GLS: variants seen among roughly 807,000 people sequenced by gnomAD.
The protein encoded by GLS is glutaminase.
GLS carries 36 observed loss-of-function variants against 86.7 expected under a neutral mutation model. The observed-to-expected ratio is 0.42, with a 90% CI of 0.32 to 0.55. The LOEUF is 0.55. Ranked by LOEUF, GLS falls within the 20% of genes least tolerant of loss-of-function variation. The pLI is 0.17. For synonymous variants in GLS, 317 were observed against 305.9 expected (o/e 1.04, Z -0.38); for missense variants, 528 against 833.4 (o/e 0.63, Z 4.51).
Position 190,897,887 on chromosome 2 carries a change from A to G in GLS, c.605+2162A>G, listed in dbSNP as rs1475928759. Among the ~76,000 whole-genome samples, 1 of 152,204 alleles carries G rather than the reference A, an allele frequency of 6.6e-6. No homozygotes were observed. Among genetic ancestry groups the G allele is most frequent in the East Asian group, 1.9e-4 (1 of 5,200 alleles). On this transcript the variant is annotated intron_variant, in intron 3 of 17. Coordinates refer to ENST00000320717, the MANE Select transcript of GLS (RefSeq NM_014905.5). This position sits in a 1 kb window ranked among gnomAD's most constrained non-coding sequence, Gnocchi z 4.3. ...TTTTAGACTTTTTCGGTAATCTGAG[A>G]AAACTATTATGTGTGACTTTTTTTA...
At chr2:190,960,819 A>T (rs1406785017) in intron 17 of GLS, among the ~76,000 whole-genome samples, 2 of 152,196 alleles carry the variant, frequency 1.3e-5, no homozygotes, top group African/African-American at 4.8e-5. Flanking sequence ...CTTTATTCCT[A>T]TAGTTGTAAA....
chr2:190,951,217 G>A lies in GLS; in HGVS notation c.1651-2348G>A, dbSNP rs1690709715. Among the ~76,000 whole-genome samples, 1 of 152,190 alleles carries A rather than the reference G, an allele frequency of 6.6e-6. No homozygotes were observed. Among genetic ancestry groups the A allele is most frequent in the Non-Finnish European group, 1.5e-5 (1 of 68,040 alleles). On this transcript the variant is annotated intron_variant, in intron 14 of 17. Coordinates refer to ENST00000320717, the MANE Select transcript of GLS (RefSeq NM_014905.5). The surrounding 1 kb of genome is among the most constrained non-coding windows in gnomAD (Gnocchi z 4.2). ...AAGATTAGGGTGATGGAGCAGCATG[G>A]AAGGCAAGTCGTGAGAGGGTGGAGG...
intron 1 of GLS, among the ~76,000 whole-genome samples, chr2:190,894,329 A>G (rs1688657782): frequency 6.8e-6 from 1 of 148,068 alleles, no homozygotes; most frequent in Non-Finnish European, 1.5e-5. Flanking sequence ...TAAGTCTTAT[A>G]CTATCTTTTG....
chr2:190,920,908 T>A lies in GLS; in HGVS notation c.1039-116T>A. The A allele has an allele frequency of 1.7e-6, 1 of 590,672 alleles. No homozygotes were observed. Among genetic ancestry groups the A allele is most frequent in the Middle Eastern group, 4.5e-4 (1 of 2,214 alleles). The allele number at this position is 590,672 out of a possible 1,614,324, so 36.6% of individuals were successfully genotyped here. ...AATTACTTTAGAACTATTTCCTAGA[T>A]TTAAAAATACTAATGCAGTATATTA... On this transcript the variant is annotated intron_variant, in intron 7 of 17. Coordinates refer to ENST00000320717, the MANE Select transcript of GLS (RefSeq NM_014905.5). The surrounding 1 kb of genome is among the most constrained non-coding windows in gnomAD (Gnocchi z 4.2).
chr2:190,932,803 A>C, intron 14 of GLS: 1 of 1,606,434 alleles, frequency 6.2e-7, no homozygotes, highest in Admixed American at 1.7e-5. Flanking sequence ...ACCTGAGTCA[A>C]ATGAGGACAT....
chr2:190,907,185 A>G (rs967306397), intron 6 of GLS, among the ~76,000 whole-genome samples: 2 of 151,716 alleles, frequency 1.3e-5, no homozygotes, highest in African/African-American at 4.8e-5. Flanking sequence ...CGGCCTCCCA[A>G]AGTGCTGGGA....
At position 190,895,044 on chromosome 2, in the gene GLS, T is replaced by G; in HGVS notation, c.387-108T>G. ...TATTATGACTGTAGTCTTGAGTATA[T>G]GAGCTCAGCTGTAGTCTAGTTTAGT... is the stretch of plus-strand genomic sequence containing the variant. On this transcript the variant is annotated intron_variant, in intron 1 of 17. Transcript: ENST00000320717. This position sits in a 1 kb window ranked among gnomAD's most constrained non-coding sequence, Gnocchi z 4.2. 1 of 566,864 alleles carries G rather than the reference T, an allele frequency of 1.8e-6. No homozygotes were observed. The highest frequency in any genetic ancestry group is 2.7e-5 in the East Asian group (1 of 37,410). 35.1% of individuals were successfully genotyped at this position (566,864 alleles called of 1,614,324 possible). A position where few individuals can be genotyped will look rare whatever the true frequency, so the allele number is the denominator to read the frequency against.
At position 190,962,900 on chromosome 2, in the gene GLS, T is replaced by C; in HGVS notation, c.1924T>C (p.Tyr642His). 1.2e-6 allele frequency: 2 copies of C among 1,602,700 alleles called. No individual in the cohort carries two copies. Among genetic ancestry groups the C allele is most frequent in the African/African-American group, 1.3e-5 (1 of 74,520 alleles). ...TGATGTATTTAAAATTCTCCAAGAA[T>C]ACCAAGTCCAGTACACACCTCAAGG... Reference protein sequence around the residue: ...HHDVFKILQEYQVQYTPQGDS... With the variant: ...HHDVFKILQEHQVQYTPQGDS... The change falls in exon 18 of 18, where the codon TAC (tyrosine) becomes CAC (histidine). Residue 642 changes from tyrosine (Y) to histidine (H), a missense_variant. Coordinates refer to ENST00000320717, the MANE Select transcript of GLS (RefSeq NM_014905.5). This position sits in a 1 kb window ranked among gnomAD's most constrained non-coding sequence, Gnocchi z 4.2.
In GLS at chr2:190,954,635, A is replaced by G. The variant is rs779410222; in HGVS notation, c.1764A>G (p.Thr588=). ...DMEQRDYDSR[T]ALHVAAAEGH... is the part of the protein sequence containing the mutation. ...AACAGCGGGACTATGATTCTAGAAC[A>G]GCACTCCATGTAGCTGCTGCAGAGG... The change falls in exon 16 of 18, where the codon ACA becomes ACG. Residue 588 remains threonine (T), a synonymous_variant. Transcript: ENST00000320717. The surrounding 1 kb of genome is among the most constrained non-coding windows in gnomAD (Gnocchi z 4.0). 23 of 1,612,926 alleles carry G rather than the reference A, an allele frequency of 1.4e-5. No homozygotes were observed. The highest frequency in any genetic ancestry group is 1.9e-5 in the Non-Finnish European group (22 of 1,178,932).
At chr2:190,902,098 A>G in intron 5 of GLS, 72 bp downstream of exon 5, 1 of 830,546 alleles carries the variant, frequency 1.2e-6, no homozygotes, top group South Asian at 1.4e-5. Flanking sequence ...AATGACATGG[A>G]GAAGATCATC....
intron 14 of GLS, among the ~76,000 whole-genome samples, chr2:190,940,925 C>T (rs1690409673): frequency 6.6e-6 from 1 of 151,926 alleles, no homozygotes; most frequent in South Asian, 2.1e-4. Flanking sequence ...AAAAAGATTA[C>T]CATCCCCCTC....
chr2:190,893,338 T>G (rs1425048698), intron 1 of GLS, among the ~76,000 whole-genome samples: 1 of 152,214 alleles, frequency 6.6e-6, no homozygotes, highest in Non-Finnish European at 1.5e-5. Context: ...TTGGAAAGCT[T>G]CTTAACCTCT....
At chr2:190,927,553 T>G in intron 12 of GLS, 71 bp downstream of exon 12, 1 of 1,097,340 alleles carries the variant, frequency 9.1e-7, no homozygotes, top group Non-Finnish European at 1.3e-6. Context: ...AAAATGCAGT[T>G]TGAACTTTGC....
chr2:190,931,030 G>C (rs1005891755), intron 13 of GLS, among the ~76,000 whole-genome samples: 2 of 152,048 alleles, frequency 1.3e-5, no homozygotes, highest in Admixed American at 1.3e-4. Flanking sequence ...GCTCTTGATA[G>C]TTCTGTATTT....
At chr2:190,899,975 C>T (rs1688881375) in intron 3 of GLS, among the ~76,000 whole-genome samples, 2 of 151,972 alleles carry the variant, frequency 1.3e-5, no homozygotes, top group African/African-American at 2.4e-5. Flanking sequence ...TTAATTATTA[C>T]ACTACTTCAT....
At position 190,913,715 on chromosome 2, in the gene GLS, G is replaced by A; in HGVS notation, c.1038+3394G>A. The A allele has an allele frequency of 1.0e-6, 1 of 973,690 alleles. No individual in the cohort carries two copies. Among genetic ancestry groups the A allele is most frequent in the Middle Eastern group, 5.2e-4 (1 of 1,906 alleles). 60.3% of individuals were successfully genotyped at this position (973,690 alleles called of 1,614,324 possible). A position where few individuals can be genotyped will look rare whatever the true frequency, so the allele number is the denominator to read the frequency against. The stretch of plus-strand genomic sequence containing the variant: ...GATAGGAAAATGAGGACAACATACT[G>A]CAAAATAATTGCCACACTTAATGCT... On this transcript the variant is annotated intron_variant, in intron 7 of 17. Transcript: ENST00000320717. The surrounding 1 kb of genome is among the most constrained non-coding windows in gnomAD (Gnocchi z 6.1).
chr2:190,953,865 A>T lies in GLS; in HGVS notation c.1712+239A>T, dbSNP rs764414263. ...TTCCCCAAGTAGTAACTGTTCAGCT[A>T]ATCTGGCTAATTAGTACCAGTGGCT... is the stretch of plus-strand genomic sequence containing the variant. On this transcript the variant is annotated intron_variant, in intron 15 of 17. Coordinates refer to ENST00000320717, the MANE Select transcript of GLS (RefSeq NM_014905.5). This position sits in a 1 kb window ranked among gnomAD's most constrained non-coding sequence, Gnocchi z 4.0. 6.6e-6 allele frequency among the ~76,000 whole-genome samples: 1 copy of T among 151,920 alleles called. No individual in the cohort carries two copies. Among genetic ancestry groups the T allele is most frequent in the South Asian group, 2.1e-4 (1 of 4,820 alleles).
chr2:190,900,510 G>T, intron 3 of GLS, 54 bp from the exon 4 acceptor site: 1 of 1,025,456 alleles, frequency 9.8e-7, no homozygotes, highest in Non-Finnish European at 1.4e-6. Context: ...TTATTACCAA[G>T]TTCTGATATT....
intron 12 of GLS, chr2:190,927,722 G>C (rs1689946025): frequency 2.7e-6 from 1 of 368,726 alleles, no homozygotes; most frequent in African/African-American, 2.1e-5. Flanking sequence ...AGGCAATCCA[G>C]TGTACAAGGT....
Sources: gnomAD v4.1 joint callset for allele counts (sites outside exome capture counted in the v4.1 genomes callset) on GRCh38, gnomAD v4.1.1 for gene constraint, Gnocchi (gnomAD v3.1) non-coding constraint, MANE v1.5 for transcripts, NCBI Gene and HGNC (gene_info 2026-07-23, HGNC 2026-07-21) for gene names.